The following CNTNAP5 variants were observed in gnomAD, a reference collection of about 807,000 sequenced individuals.
CNTNAP5 encodes contactin-associated protein-like 5.
CNTNAP5 carries 72 observed loss-of-function variants against 150.2 expected under a neutral mutation model. That is an observed-to-expected ratio of 0.48 (90% confidence interval 0.40 to 0.58). The LOEUF is 0.58. Ranked by LOEUF, CNTNAP5 falls within the 20% of genes least tolerant of loss-of-function variation. The probability of loss-of-function intolerance (pLI) is 0.00; values close to 1 mark genes in which losing one functional copy is unlikely to be tolerated. For synonymous variants in CNTNAP5, 672 were observed against 619.8 expected (o/e 1.08, Z -1.25); for missense variants, 1,636 against 1,626.2 (o/e 1.01, Z -0.10).
chr2:124,663,206 A>C (rs1678628825), intron 13 of CNTNAP5, among the ~76,000 whole-genome samples: 1 of 152,194 alleles, frequency 6.6e-6, no homozygotes, highest in East Asian at 1.9e-4. Flanking sequence ...ATCCCGCTGC[A>C]TGGAAAGACA....
chr2:124,160,915 ATTGT>A (rs1684661289), intron 1 of CNTNAP5, among the ~76,000 whole-genome samples: 1 of 152,104 alleles, frequency 6.6e-6, no homozygotes, highest in Non-Finnish European at 1.5e-5. Context: ...GTTTCCTTAT[ATTGT>A]TTGTTTGTAC....
intron 3 of CNTNAP5, among the ~76,000 whole-genome samples, chr2:124,274,641 G>A (rs1378973038): frequency 2.0e-5 from 3 of 152,180 alleles, no homozygotes; most frequent in African/African-American, 7.2e-5. Context: ...GACTCCAGAC[G>A]TGCAGACTTA....
At chr2:124,875,831 T>C (rs975267727) in intron 21 of CNTNAP5, among the ~76,000 whole-genome samples, 1 of 151,746 alleles carries the variant, frequency 6.6e-6, no homozygotes. Context: ...ATACAGAATC[T>C]AGTGTGACTC....
At chr2:124,780,848 C>A (rs1256524717) in intron 17 of CNTNAP5, among the ~76,000 whole-genome samples, 3 of 152,204 alleles carry the variant, frequency 2.0e-5, no homozygotes, top group African/African-American at 7.2e-5. Flanking sequence ...AGCCACTGAC[C>A]TTCTCTTGGT....
chr2:124,606,993 T>C (rs116643046), intron 11 of CNTNAP5, among the ~76,000 whole-genome samples: 4,694 of 152,310 alleles, frequency 0.031, 71 homozygotes, highest in Middle Eastern at 0.051. Context: ...TATAGGCTCA[T>C]ATTAATCAAG....
At chr2:124,414,257 G>A (rs557755385) in intron 3 of CNTNAP5, among the ~76,000 whole-genome samples, 62 of 152,028 alleles carry the variant, frequency 4.1e-4, no homozygotes, top group African/African-American at 1.2e-3. Context: ...CTATTCATCC[G>A]GCACATAACT....
At chr2:124,268,947 G>T (rs191663688) in intron 3 of CNTNAP5, among the ~76,000 whole-genome samples, 5 of 152,022 alleles carry the variant, frequency 3.3e-5, no homozygotes, top group African/African-American at 9.7e-5. Context: ...TTCCAAGTTC[G>T]CTCATAGCCT....
At chr2:124,853,320 A>T (rs1403381100) in intron 19 of CNTNAP5, among the ~76,000 whole-genome samples, 1 of 152,176 alleles carries the variant, frequency 6.6e-6, no homozygotes, top group Admixed American at 6.5e-5. Flanking sequence ...CTCCTAATGG[A>T]ATCCCCCTTT....
At chr2:124,798,342 CCAGCGGAGTCT>C in intron 19 of CNTNAP5, 22 bp downstream of exon 19, 1 of 1,552,904 alleles carries the variant, frequency 6.4e-7, no homozygotes, top group Non-Finnish European at 8.9e-7. Context: ...GGCATGATAC[CCAGCGGAGTCT>C]CAGCCTGGGC....
chr2:124,334,578 A>C (rs1463583286), intron 3 of CNTNAP5, among the ~76,000 whole-genome samples: 3 of 152,180 alleles, frequency 2.0e-5, no homozygotes, highest in Non-Finnish European at 4.4e-5. Context: ...GGCTGTTTTT[A>C]ATAAAACAGT....
chr2:124,811,962 AT>A lies in CNTNAP5; in HGVS notation c.3217+13648del, dbSNP rs1485148751. On this transcript the variant is annotated intron_variant, in intron 19 of 23. Transcript: ENST00000682447. ...CATCTCAAAAAATATATATATATAT[AT>A]TTTTTATAATATATATAAAATTTAT... Among the ~76,000 whole-genome samples, 109 of 112,084 alleles carry A rather than the reference AT, an allele frequency of 9.7e-4. 1 individual carries two copies. Among genetic ancestry groups the A allele is most frequent in the Admixed American group, 2.2e-3 (16 of 7,122 alleles). 73.5% of individuals were successfully genotyped at this position (112,084 alleles called of 152,430 possible).
At chr2:124,727,006 T>A (rs1680170381) in intron 13 of CNTNAP5, among the ~76,000 whole-genome samples, 1 of 152,060 alleles carries the variant, frequency 6.6e-6, no homozygotes, top group African/African-American at 2.4e-5. Context: ...TTTAGTTGAT[T>A]TTTACATATT....
chr2:124,891,554 T>C (rs190926140), intron 21 of CNTNAP5, among the ~76,000 whole-genome samples: 96 of 152,204 alleles, frequency 6.3e-4, no homozygotes, highest in Middle Eastern at 6.8e-3. Flanking sequence ...GCCCAAAAGA[T>C]ATCATGTAAT....
intron 5 of CNTNAP5, among the ~76,000 whole-genome samples, chr2:124,439,485 A>T (rs1191455176): frequency 6.6e-6 from 1 of 152,208 alleles, no homozygotes; most frequent in Non-Finnish European, 1.5e-5. Context: ...GTTTTCGAAG[A>T]TAGCAAAGTC....
At chr2:124,193,303 G>A (rs1489624121) in intron 1 of CNTNAP5, among the ~76,000 whole-genome samples, 8 of 152,282 alleles carry the variant, frequency 5.3e-5, no homozygotes, top group East Asian at 1.9e-4. Context: ...TTTGTTGAGC[G>A]GGACATAATT....
At chr2:124,076,213 C>T (rs551495963) in intron 1 of CNTNAP5, among the ~76,000 whole-genome samples, 8 of 152,060 alleles carry the variant, frequency 5.3e-5, no homozygotes, top group Non-Finnish European at 1.2e-4. Flanking sequence ...TTCTTTGTCT[C>T]GACTCGAACC....
At chr2:124,297,532 A>G (rs1269895221) in intron 3 of CNTNAP5, among the ~76,000 whole-genome samples, 1 of 151,998 alleles carries the variant, frequency 6.6e-6, no homozygotes, top group Non-Finnish European at 1.5e-5. Context: ...AAAAGTTCCC[A>G]CATTTCTGCA....
chr2:124,854,693 A>G (rs7597341), intron 19 of CNTNAP5, among the ~76,000 whole-genome samples: 40,179 of 152,202 alleles, frequency 0.26, 8,018 homozygotes, highest in African/African-American at 0.56. Context: ...GAGATTTAAG[A>G]TAGCATGTCC....
chr2:124,103,124 T>C (rs187052323), intron 1 of CNTNAP5, among the ~76,000 whole-genome samples: 7 of 152,182 alleles, frequency 4.6e-5, no homozygotes, highest in African/African-American at 9.6e-5. Context: ...GTAACAAGAA[T>C]GTTTCAAAAG....
Sources: allele counts gnomAD v4.1 joint callset (sites outside exome capture counted in the v4.1 genomes callset), GRCh38; gene constraint gnomAD v4.1.1; transcripts MANE v1.5; gene names NCBI Gene and HGNC (gene_info 2026-07-23, HGNC 2026-07-21).